ZMAT4: variants seen among roughly 807,000 people sequenced by gnomAD.
ZMAT4 encodes the protein zinc finger matrin-type protein 4.
ZMAT4 carries 17 observed loss-of-function variants against 28.7 expected under a neutral mutation model. The observed-to-expected ratio is 0.59, with a 90% CI of 0.41 to 0.89. ZMAT4 has a LOEUF of 0.89. Ranked by LOEUF, ZMAT4 falls within the 40% of genes least tolerant of loss-of-function variation. ZMAT4 has a pLI of 0.00. For synonymous variants in ZMAT4, 117 were observed against 109.2 expected (o/e 1.07, Z -0.44); for missense variants, 240 against 283.8 (o/e 0.85, Z 1.11).
At chr8:40,789,115 G>C (rs118128511) in intron 2 of ZMAT4, among the ~76,000 whole-genome samples, 2 of 151,128 alleles carry the variant, frequency 1.3e-5, no homozygotes, top group African/African-American at 4.9e-5. Flanking sequence ...GAAGAAGGGA[G>C]AAGAAAATTC....
intron 3 of ZMAT4, among the ~76,000 whole-genome samples, chr8:40,744,211 A>T (rs2150537715): frequency 6.6e-6 from 1 of 152,218 alleles, no homozygotes; most frequent in East Asian, 1.9e-4. Flanking sequence ...AGCAGAAGAG[A>T]CTGCTTCACA....
chr8:40,672,241 T>C (rs1167986561), intron 5 of ZMAT4, among the ~76,000 whole-genome samples: 1 of 152,186 alleles, frequency 6.6e-6, no homozygotes, highest in African/African-American at 2.4e-5. Flanking sequence ...GATATGCCTA[T>C]ATTTATGGAT....
At chr8:40,717,761 A>G (rs185611409) in intron 3 of ZMAT4, among the ~76,000 whole-genome samples, 80 of 152,332 alleles carry the variant, frequency 5.3e-4, no homozygotes, top group Non-Finnish European at 1.1e-3. Context: ...ACATAAACTT[A>G]AAACTTCAAA....
intron 5 of ZMAT4, among the ~76,000 whole-genome samples, chr8:40,599,264 A>T (rs1278127403): frequency 6.6e-6 from 1 of 152,166 alleles, no homozygotes. Context: ...CCAACATAGG[A>T]TCTGACACAT....
chr8:40,813,067 C>T (rs990797992), intron 2 of ZMAT4, among the ~76,000 whole-genome samples: 2 of 151,580 alleles, frequency 1.3e-5, no homozygotes, highest in Non-Finnish European at 2.9e-5. Flanking sequence ...TGTACCATAG[C>T]AATGTAAGAT....
At chr8:40,811,342 G>A (rs1171040295) in intron 2 of ZMAT4, among the ~76,000 whole-genome samples, 2 of 152,304 alleles carry the variant, frequency 1.3e-5, no homozygotes, top group East Asian at 3.9e-4. Context: ...TATTTCCATA[G>A]GGAAAGGGGA....
chr8:40,697,559 T>A (rs180741128), intron 3 of ZMAT4, among the ~76,000 whole-genome samples, 158 bp from the exon 4 acceptor site: 128 of 152,174 alleles, frequency 8.4e-4, no homozygotes, highest in African/African-American at 1.2e-3. Context: ...TCTTCTTTTT[T>A]AAAAAATTTT....
intron 6 of ZMAT4, among the ~76,000 whole-genome samples, chr8:40,579,242 T>C (rs1804369982): frequency 6.6e-6 from 1 of 152,196 alleles, no homozygotes; most frequent in East Asian, 1.9e-4. Context: ...TTTAAAGTCA[T>C]TGTTTATCTT....
intron 5 of ZMAT4, among the ~76,000 whole-genome samples, chr8:40,601,653 A>T (rs867623832): frequency 3.4e-5 from 1 of 29,136 alleles, no homozygotes; most frequent in East Asian, 1.6e-3. Flanking sequence ...AGAAAGAAAG[A>T]AAGAAAGAAA....
intron 5 of ZMAT4, among the ~76,000 whole-genome samples, chr8:40,666,425 C>A (rs1808416153): frequency 6.6e-6 from 1 of 151,994 alleles, no homozygotes; most frequent in African/African-American, 2.4e-5. Context: ...ATTTATAATT[C>A]TTTGTTAATC....
intron 5 of ZMAT4, among the ~76,000 whole-genome samples, chr8:40,651,795 G>C (rs1360815527): frequency 7.0e-6 from 1 of 142,440 alleles, no homozygotes; most frequent in Non-Finnish European, 1.5e-5. Flanking sequence ...ACAACTATCT[G>C]ATCTTTGACA....
Position 40,674,891 on chromosome 8 carries a change from A to G in ZMAT4, c.390T>C (p.Thr130=), listed in dbSNP as rs1808845479. The G allele has an allele frequency of 6.2e-7, 1 of 1,613,428 alleles. No individual in the cohort carries two copies. The highest frequency in any genetic ancestry group is 1.3e-5 in the African/African-American group (1 of 74,898). The stretch of plus-strand genomic sequence containing the variant: ...GATAGGGAGATGCGACCACCGGAGC[A>G]GTGTCCATCCGTGGGGGCTTAAGTG... ...LSPLKPPRMD[T]APVVASPYQR... The change falls in exon 5 of 7, where the codon ACT becomes ACC. Residue 130 remains threonine (T), a synonymous_variant. Transcript: ENST00000297737.
chr8:40,766,936 A>C (rs958549963), intron 3 of ZMAT4, among the ~76,000 whole-genome samples: 5 of 152,208 alleles, frequency 3.3e-5, no homozygotes, highest in Admixed American at 6.5e-5. Flanking sequence ...AAGGGCGAGG[A>C]ATTTCTGTGT....
intron 1 of ZMAT4, among the ~76,000 whole-genome samples, chr8:40,875,974 G>T (rs1054403733): frequency 2.0e-5 from 3 of 152,132 alleles, no homozygotes; most frequent in African/African-American, 7.2e-5. Context: ...CTAGACCAAG[G>T]GTGGCGACAG....
chr8:40,690,780 T>C (rs1407224303), intron 4 of ZMAT4: 1 of 478,336 alleles, frequency 2.1e-6, no homozygotes, highest in East Asian at 1.6e-4. Flanking sequence ...GAAATTTATG[T>C]AAAAGTTCTG....
chr8:40,820,158 ATGTGTG>A lies in ZMAT4; in HGVS notation c.102+5411_102+5416del, dbSNP rs138729547. 9.9e-3 allele frequency among the ~76,000 whole-genome samples: 1,456 copies of A among 147,264 alleles called. 12 individuals are homozygous for A. The highest frequency in any genetic ancestry group is 0.019 in the African/African-American group (774 of 39,940). ...TTTCCATGTGTGTGTATATGCGAAT[ATGTGTG>A]TGTGTGTGTGTGTGTGTGTGTGGGC... On this transcript the variant is annotated intron_variant, in intron 2 of 6. Coordinates refer to ENST00000297737, the MANE Select transcript of ZMAT4 (RefSeq NM_024645.3).
intron 6 of ZMAT4, among the ~76,000 whole-genome samples, chr8:40,550,204 G>GT (rs1803325950): frequency 6.6e-6 from 1 of 151,992 alleles, no homozygotes; most frequent in Non-Finnish European, 1.5e-5. Context: ...GAAACCAGAG[G>GT]GCTCCTCTGA....
chr8:40,674,841 C>G lies in ZMAT4; in HGVS notation c.440G>C (p.Cys147Ser). The G allele has an allele frequency of 6.2e-7, 1 of 1,613,898 alleles. No individual in the cohort carries two copies. The highest frequency in any genetic ancestry group is 8.5e-7 in the Non-Finnish European group (1 of 1,179,900). Residue 147 changes from cysteine (C) to serine (S), a missense_variant, in exon 5 of 7, where the codon TGT (cysteine) becomes TCT (serine). Cys to Ser is a moderately radical substitution (Grantham distance 112, BLOSUM62 -1). Transcript: ENST00000297737. The part of the protein sequence containing the change: ...PYQRRDSDRY[C>S]GLCAAWFNNP... ...ATTAAACCAGGCTGCACAGAGCCCA[C>G]AGTATCTGTCTGAATCTCTTCTTTG... is the stretch of plus-strand genomic sequence containing the variant.
At chr8:40,589,731 C>CCTTTCTTTCTATCTTTCTTTCTTTCTTT (rs1804795662) in intron 5 of ZMAT4, among the ~76,000 whole-genome samples, 1 of 139,274 alleles carries the variant, frequency 7.2e-6, no homozygotes, top group Non-Finnish European at 1.6e-5. Flanking sequence ...TTCTTCCTTT[C>CCTTTCTTTCTATCTTTCTTTCTTTCTTT]CTTTCTTTCT....
Sources: gnomAD v4.1 joint callset for allele counts (sites outside exome capture counted in the v4.1 genomes callset) on GRCh38, gnomAD v4.1.1 for gene constraint, MANE v1.5 for transcripts, NCBI Gene and HGNC (gene_info 2026-07-23, HGNC 2026-07-21) for gene names.